Variants in FOXQ1 observed in about 807,000 individuals in gnomAD.
FOXQ1 encodes the protein forkhead box Q1.
In FOXQ1, 1 loss-of-function variant was observed where a neutral mutation model predicts 0.6. The observed-to-expected ratio is 1.73, with a 90% CI of 0.61 to 8.20. The LOEUF is 8.20. Among genes scored for constraint, FOXQ1 ranks in the 30% most tolerant of loss-of-function variants. The pLI, the probability that FOXQ1 is intolerant of heterozygous loss-of-function variation, is 0.13. For synonymous variants in FOXQ1, 377 were observed against 294.4 expected (o/e 1.28, Z -2.87); for missense variants, 734 against 595.6 (o/e 1.23, Z -2.42).
At position 1,314,708 on chromosome 6, in the gene FOXQ1, C is replaced by A. The variant is rs1326088585; in HGVS notation, c.*792C>A. The A allele has an allele frequency of 6.0e-6, 1 of 166,440 alleles. No homozygotes were observed. Among genetic ancestry groups the A allele is most frequent in the Non-Finnish European group, 1.5e-5 (1 of 68,076 alleles). 10.3% of individuals were successfully genotyped at this position (166,440 alleles called of 1,614,324 possible). On this transcript the variant is annotated 3_prime_UTR_variant, in exon 1 of 1. Transcript: ENST00000296839. ...TATTCATGTATAAATTTTATGAAAC[C>A]CAAGCATAGTGCTTATTTTTTAATA...
In FOXQ1 at chr6:1,313,493, C is replaced by T. The variant is rs921544561; in HGVS notation, c.789C>T (p.Pro263=). The change falls in exon 1 of 1, where the codon CCC becomes CCT. Residue 263 remains proline (P), a synonymous_variant. Transcript: ENST00000296839. The surrounding 1 kb of genome is among the most constrained non-coding windows in gnomAD (Gnocchi z 5.2). ...CCCGCCAGGAGGAGCGCGCCAGCCC[C>T]GCGGGCAAGTTCTCCAGCTCCTTCG... The part of the protein sequence containing the change: ...SPARQEERAS[P]AGKFSSSFAI... 3 of 1,195,540 alleles carry T rather than the reference C, an allele frequency of 2.5e-6. No homozygotes were observed. Among genetic ancestry groups the T allele is most frequent in the Non-Finnish European group, 3.2e-6 (3 of 945,870 alleles). 74.1% of individuals were successfully genotyped at this position (1,195,540 alleles called of 1,614,324 possible). A position where few individuals can be genotyped will look rare whatever the true frequency, so the allele number is the denominator to read the frequency against.
At position 1,313,493 on chromosome 6, in the gene FOXQ1, CG is replaced by C; in HGVS notation, c.790del (p.Ala264ArgfsTer139). On this transcript the variant is annotated frameshift_variant, in exon 1 of 1. Coordinates refer to ENST00000296839, the MANE Select transcript of FOXQ1 (RefSeq NM_033260.4). LOFTEE classifies it low-confidence loss of function (END_TRUNC). The surrounding 1 kb of genome is among the most constrained non-coding windows in gnomAD (Gnocchi z 5.2). The part of the protein sequence containing the change: ...PARQEERASP[A>X]GKFSSSFAID... ...CCCGCCAGGAGGAGCGCGCCAGCCC[CG>C]CGGGCAAGTTCTCCAGCTCCTTCGC... 8.4e-7 allele frequency: 1 copy of C among 1,195,640 alleles called. No homozygotes were observed. The highest frequency in any genetic ancestry group is 1.1e-6 in the Non-Finnish European group (1 of 945,860). 74.1% of individuals were successfully genotyped at this position (1,195,640 alleles called of 1,614,324 possible).
rs935937164 is a variant in FOXQ1 at position 1,313,747 on chromosome 6, T to C, written c.1043T>C (p.Leu348Pro). 163 of 1,191,626 alleles carry C rather than the reference T, an allele frequency of 1.4e-4. No individual in the cohort carries two copies. Among genetic ancestry groups the C allele is most frequent in the Non-Finnish European group, 1.6e-4 (156 of 964,910 alleles). The allele number at this position is 1,191,626 out of a possible 1,614,324, so 73.8% of individuals were successfully genotyped here. ...GAGGTGCCACCGACCGCGCCGCCCC[T>C]CCTGCTTGCACCTCTCCCGGCGGCG... ...EAEVPPTAPP[L>P]LLAPLPAAAP... Residue 348 changes from leucine (L) to proline (P), a missense_variant, in exon 1 of 1, where the codon CTC (leucine) becomes CCC (proline). By Grantham distance (98) the Leu-to-Pro change is moderately conservative. Transcript: ENST00000296839. This position sits in a 1 kb window ranked among gnomAD's most constrained non-coding sequence, Gnocchi z 5.2.
Position 1,313,469 on chromosome 6 carries a change from C to T in FOXQ1, c.765C>T (p.Ala255=). 1.8e-6 allele frequency: 2 copies of T among 1,097,434 alleles called. No individual in the cohort carries two copies. The highest frequency in any genetic ancestry group is 2.2e-6 in the Non-Finnish European group (2 of 897,888). 68.0% of individuals were successfully genotyped at this position (1,097,434 alleles called of 1,614,324 possible). The part of the protein sequence containing the change: ...APASPRMRSP[A]RQEERASPAG... ...CCTCGCCCCGCATGCGCTCGCCCGC[C>T]CGCCAGGAGGAGCGCGCCAGCCCCG... The change falls in exon 1 of 1, where the codon GCC becomes GCT. Residue 255 remains alanine, a synonymous_variant. Transcript: ENST00000296839. The surrounding 1 kb of genome is among the most constrained non-coding windows in gnomAD (Gnocchi z 5.2).
In FOXQ1 at chr6:1,312,738, C is replaced by T; in HGVS notation, c.34C>T (p.His12Tyr). ...GGAGGTGTTCGTCCCTCGCGCGGCC[C>T]ACGGGGACAAGCAGGGCAGTGACCT... is the stretch of plus-strand genomic sequence containing the variant. ...KLEVFVPRAAHGDKQGSDLEG... is the reference protein window; with the variant it reads ...KLEVFVPRAAYGDKQGSDLEG... Residue 12 changes from histidine (H) to tyrosine (Y), a missense_variant, in exon 1 of 1, where the codon CAC (histidine) becomes TAC (tyrosine). Physicochemically the swap from His to Tyr is moderately conservative, Grantham distance 83. Transcript: ENST00000296839. 1 of 1,354,806 alleles carries T rather than the reference C, an allele frequency of 7.4e-7. No individual in the cohort carries two copies. Among genetic ancestry groups the T allele is most frequent in the South Asian group, 1.9e-5 (1 of 53,956 alleles). 83.9% of individuals were successfully genotyped at this position (1,354,806 alleles called of 1,614,324 possible).
Position 1,313,976 on chromosome 6 carries a change from C to A in FOXQ1, c.*60C>A. On this transcript the variant is annotated 3_prime_UTR_variant, in exon 1 of 1. Transcript: ENST00000296839. This position sits in a 1 kb window ranked among gnomAD's most constrained non-coding sequence, Gnocchi z 5.2. Reference sequence around the variant, plus strand: ...GCCGTCGGGGAGGCGGGAACGCGGGCCCGCGCGCGGACTTTGCACTTTGAA... The same window carrying A: ...GCCGTCGGGGAGGCGGGAACGCGGGACCGCGCGCGGACTTTGCACTTTGAA... 8.2e-7 allele frequency: 1 copy of A among 1,212,766 alleles called. No individual in the cohort carries two copies. Among genetic ancestry groups the A allele is most frequent in the East Asian group, 3.3e-5 (1 of 30,150 alleles). The allele number at this position is 1,212,766 out of a possible 1,614,324, so 75.1% of individuals were successfully genotyped here. A position where few individuals can be genotyped will look rare whatever the true frequency, so the allele number is the denominator to read the frequency against.
At position 1,312,449 on chromosome 6, in the gene FOXQ1, G is replaced by C. The variant is rs1757561559; in HGVS notation, c.-256G>C. ...ACACTCACCCCAAAGTCTCAACGTC[G>C]AACCGAAGGCGACACCCACCCAACT... is the stretch of plus-strand genomic sequence containing the variant. On this transcript the variant is annotated 5_prime_UTR_variant, in exon 1 of 1. Transcript: ENST00000296839. 2.3e-6 allele frequency: 1 copy of C among 428,774 alleles called. No individual in the cohort carries two copies. The highest frequency in any genetic ancestry group is 3.8e-6 in the Non-Finnish European group (1 of 264,326). 26.6% of individuals were successfully genotyped at this position (428,774 alleles called of 1,614,324 possible). A position where few individuals can be genotyped will look rare whatever the true frequency, so the allele number is the denominator to read the frequency against.
chr6:1,313,966 G>A lies in FOXQ1; in HGVS notation c.*50G>A. Reference sequence around the variant, plus strand: ...CCGAGTGCGCGCCGTCGGGGAGGCGGGAACGCGGGCCCGCGCGCGGACTTT... The same window carrying A: ...CCGAGTGCGCGCCGTCGGGGAGGCGAGAACGCGGGCCCGCGCGCGGACTTT... On this transcript the variant is annotated 3_prime_UTR_variant, in exon 1 of 1. Transcript: ENST00000296839. This position sits in a 1 kb window ranked among gnomAD's most constrained non-coding sequence, Gnocchi z 5.2. The A allele has an allele frequency of 8.2e-7, 1 of 1,217,342 alleles. No individual in the cohort carries two copies. The highest frequency in any genetic ancestry group is 4.3e-5 in the Admixed American group (1 of 23,056). The allele number at this position is 1,217,342 out of a possible 1,614,324, so 75.4% of individuals were successfully genotyped here.
Position 1,312,974 on chromosome 6 carries a change from C to A in FOXQ1, c.270C>A (p.Gly90=), listed in dbSNP as rs1168840997. 2.3e-6 allele frequency: 3 copies of A among 1,284,640 alleles called. No individual in the cohort carries two copies. Among genetic ancestry groups the A allele is most frequent in the African/African-American group, 3.1e-5 (2 of 63,596 alleles). 79.6% of individuals were successfully genotyped at this position (1,284,640 alleles called of 1,614,324 possible). ...AAAAAAVVAE[G]AEAGAAGPGA... is the part of the protein sequence containing the mutation. ...CTGCTGCAGCGGTGGTGGCGGAGGG[C>A]GCGGAGGCCGGGGCGGCGGGGCCAG... is the stretch of plus-strand genomic sequence containing the variant. The change falls in exon 1 of 1, where the codon GGC becomes GGA. Residue 90 remains glycine, a synonymous_variant. Coordinates refer to ENST00000296839, the MANE Select transcript of FOXQ1 (RefSeq NM_033260.4).
rs1757591901 is a variant in FOXQ1, at chr6:1,313,705, T to C, written c.1001T>C (p.Leu334Pro). 3 of 1,067,440 alleles carry C rather than the reference T, an allele frequency of 2.8e-6. No homozygotes were observed. Among genetic ancestry groups the C allele is most frequent in the South Asian group, 8.7e-5 (2 of 22,894 alleles). 66.1% of individuals were successfully genotyped at this position (1,067,440 alleles called of 1,614,324 possible). A position where few individuals can be genotyped will look rare whatever the true frequency, so the allele number is the denominator to read the frequency against. ...TACGGCGCGGGCGAGCCGGCGCGGC[T>C]GGGCGCGCGCGAGGCCGAGGTGCCA... Reference protein sequence around the residue: ...CAYGAGEPARLGAREAEVPPT... With the variant: ...CAYGAGEPARPGAREAEVPPT... The change falls in exon 1 of 1, where the codon CTG becomes CCG. Residue 334 changes from leucine to proline, a missense_variant. Leu to Pro is a moderately conservative substitution (Grantham distance 98). Coordinates refer to ENST00000296839, the MANE Select transcript of FOXQ1 (RefSeq NM_033260.4). This position sits in a 1 kb window ranked among gnomAD's most constrained non-coding sequence, Gnocchi z 5.2.
Position 1,313,806 on chromosome 6 carries a change from G to A in FOXQ1, c.1102G>A (p.Gly368Ser). The A allele has an allele frequency of 7.8e-7, 1 of 1,277,548 alleles. No individual in the cohort carries two copies. Among genetic ancestry groups the A allele is most frequent in the Non-Finnish European group, 9.9e-7 (1 of 1,014,828 alleles). 79.1% of individuals were successfully genotyped at this position (1,277,548 alleles called of 1,614,324 possible). A position where few individuals can be genotyped will look rare whatever the true frequency, so the allele number is the denominator to read the frequency against. ...CAAGCCACTCCGAGGCCCGGCGGCCGGCGGCGCGCACCTGTACTGCCCCCT... is the reference window on the plus strand; with the variant it reads ...CAAGCCACTCCGAGGCCCGGCGGCCAGCGGCGCGCACCTGTACTGCCCCCT... ...PAKPLRGPAA[G>S]GAHLYCPLRL... Residue 368 changes from glycine to serine, a missense_variant, in exon 1 of 1, where the codon GGC (glycine) becomes AGC (serine). Physicochemically the swap from Gly to Ser is moderately conservative, Grantham distance 56. Coordinates refer to ENST00000296839, the MANE Select transcript of FOXQ1 (RefSeq NM_033260.4). The surrounding 1 kb of genome is among the most constrained non-coding windows in gnomAD (Gnocchi z 5.2).
In FOXQ1 at chr6:1,313,026, G is replaced by C. The variant is rs200531155; in HGVS notation, c.322G>C (p.Gly108Arg). 1.9e-4 allele frequency: 277 copies of C among 1,481,520 alleles called. 2 individuals are homozygous for C. The African/African-American group carries it at 3.7e-3, about 20-fold the overall frequency. 91.8% of individuals were successfully genotyped at this position (1,481,520 alleles called of 1,614,324 possible). Residue 108 changes from glycine to arginine, a missense_variant, in exon 1 of 1, where the codon GGT (glycine) becomes CGT (arginine). Coordinates refer to ENST00000296839, the MANE Select transcript of FOXQ1 (RefSeq NM_033260.4). The surrounding 1 kb of genome is among the most constrained non-coding windows in gnomAD (Gnocchi z 5.2). Reference sequence around the variant, plus strand: ...CGCGGGCGGCGCGGGGAGCGGCGAGGGTGCACGCAGCAAGCCATATACGCG... The same window carrying C: ...CGCGGGCGGCGCGGGGAGCGGCGAGCGTGCACGCAGCAAGCCATATACGCG... ...PGAGGAGSGE[G>R]ARSKPYTRRP...
Position 1,313,395 on chromosome 6 carries a change from G to A in FOXQ1, c.691G>A (p.Glu231Lys), listed in dbSNP as rs1409998327. 8.9e-6 allele frequency: 11 copies of A among 1,240,234 alleles called. No individual in the cohort carries two copies. In the East Asian group the frequency reaches 2.8e-4, roughly 32 times the overall value. The allele number at this position is 1,240,234 out of a possible 1,614,324, so 76.8% of individuals were successfully genotyped here. ...CCCCGCGCCCGGGCTGCGGCCCGAG[G>A]AGGCCCCGGGCCTCCCCGCCGCCCC... ...PVPAPGLRPE[E>K]APGLPAAPPP... Residue 231 changes from glutamate to lysine, a missense_variant, in exon 1 of 1, where the codon GAG becomes AAG. Physicochemically the swap from Glu to Lys is moderately conservative, Grantham distance 56. Transcript: ENST00000296839. This position sits in a 1 kb window ranked among gnomAD's most constrained non-coding sequence, Gnocchi z 5.2.
rs538388760 is a variant in FOXQ1, at chr6:1,314,247, C to G, written c.*331C>G. 5.4e-6 allele frequency: 1 copy of G among 184,238 alleles called. No individual in the cohort carries two copies. Among genetic ancestry groups the G allele is most frequent in the African/African-American group, 2.4e-5 (1 of 41,994 alleles). 11.4% of individuals were successfully genotyped at this position (184,238 alleles called of 1,614,324 possible). ...TTTCTACTGTTTTTGTCGCAACTTC[C>G]ATTGATTTATGTCCCTTCCCTCCCC... is the stretch of plus-strand genomic sequence containing the variant. On this transcript the variant is annotated 3_prime_UTR_variant, in exon 1 of 1. Coordinates refer to ENST00000296839, the MANE Select transcript of FOXQ1 (RefSeq NM_033260.4).
At position 1,312,348 on chromosome 6, in the gene FOXQ1, C is replaced by T; in HGVS notation, c.-357C>T. ...CTTTAACGAGCAGCAGATGCGCATG[C>T]TGCTTCTCTCCGGCAGGAAAGCCTT... On this transcript the variant is annotated 5_prime_UTR_variant, in exon 1 of 1. Transcript: ENST00000296839. 1 of 208,706 alleles carries T rather than the reference C, an allele frequency of 4.8e-6. No individual in the cohort carries two copies. The highest frequency in any genetic ancestry group is 9.7e-5 in the East Asian group (1 of 10,286). The allele number at this position is 208,706 out of a possible 1,614,324, so 12.9% of individuals were successfully genotyped here.
Position 1,313,149 on chromosome 6 carries a change from C to T in FOXQ1, c.445C>T (p.Leu149Phe), listed in dbSNP as rs1369904204. Reference sequence around the variant, plus strand: ...GACGCTGGCGGAGATCAACGAGTACCTCATGGGCAAGTTCCCCTTTTTCCG... The same window carrying T: ...GACGCTGGCGGAGATCAACGAGTACTTCATGGGCAAGTTCCCCTTTTTCCG... ...RLTLAEINEY[L>F]MGKFPFFRGS... is the part of the protein sequence containing the mutation. The change falls in exon 1 of 1, where the codon CTC (leucine) becomes TTC (phenylalanine). Residue 149 changes from leucine to phenylalanine, a missense_variant. Coordinates refer to ENST00000296839, the MANE Select transcript of FOXQ1 (RefSeq NM_033260.4). The surrounding 1 kb of genome is among the most constrained non-coding windows in gnomAD (Gnocchi z 5.2). The T allele has an allele frequency of 2.5e-6, 4 of 1,609,902 alleles. No homozygotes were observed. Among genetic ancestry groups the T allele is most frequent in the East Asian group, 2.2e-5 (1 of 44,598 alleles).
In FOXQ1 at chr6:1,313,808, C is replaced by T. The variant is rs1162774036; in HGVS notation, c.1104C>T (p.Gly368=). The part of the protein sequence containing the change: ...PAKPLRGPAA[G]GAHLYCPLRL... ...AGCCACTCCGAGGCCCGGCGGCCGG[C>T]GGCGCGCACCTGTACTGCCCCCTGC... The change falls in exon 1 of 1, where the codon GGC becomes GGT. Residue 368 remains glycine (G), a synonymous_variant. Transcript: ENST00000296839. This position sits in a 1 kb window ranked among gnomAD's most constrained non-coding sequence, Gnocchi z 5.2. The T allele has an allele frequency of 3.1e-6, 4 of 1,278,018 alleles. No individual in the cohort carries two copies. Among genetic ancestry groups the T allele is most frequent in the Non-Finnish European group, 3.0e-6 (3 of 1,015,202 alleles). 79.2% of individuals were successfully genotyped at this position (1,278,018 alleles called of 1,614,324 possible). A position where few individuals can be genotyped will look rare whatever the true frequency, so the allele number is the denominator to read the frequency against.
rs1349207476 is a variant in FOXQ1 at position 1,312,610 on chromosome 6, C to T, written c.-95C>T. 28 of 1,259,188 alleles carry T rather than the reference C, an allele frequency of 2.2e-5. No individual in the cohort carries two copies. Among genetic ancestry groups the T allele is most frequent in the Admixed American group, 4.2e-5 (1 of 23,798 alleles). 78.0% of individuals were successfully genotyped at this position (1,259,188 alleles called of 1,614,324 possible). A position where few individuals can be genotyped will look rare whatever the true frequency, so the allele number is the denominator to read the frequency against. On this transcript the variant is annotated 5_prime_UTR_variant, in exon 1 of 1. Transcript: ENST00000296839. ...CCCGGGAGAAAAAGGCGAAGATCCC[C>T]GGCCCCGGATCGCCATCCCCTTCCC...
At position 1,313,707 on chromosome 6, in the gene FOXQ1, G is replaced by A; in HGVS notation, c.1003G>A (p.Gly335Ser). The A allele has an allele frequency of 2.8e-6, 3 of 1,071,842 alleles. No individual in the cohort carries two copies. Among genetic ancestry groups the A allele is most frequent in the Non-Finnish European group, 3.4e-6 (3 of 887,850 alleles). The allele number at this position is 1,071,842 out of a possible 1,614,324, so 66.4% of individuals were successfully genotyped here. ...AYGAGEPARL[G>S]AREAEVPPTA... is the part of the protein sequence containing the mutation. ...CGGCGCGGGCGAGCCGGCGCGGCTG[G>A]GCGCGCGCGAGGCCGAGGTGCCACC... The change falls in exon 1 of 1, where the codon GGC becomes AGC. Residue 335 changes from glycine to serine, a missense_variant. Gly to Ser is a moderately conservative substitution (Grantham distance 56). Transcript: ENST00000296839. The surrounding 1 kb of genome is among the most constrained non-coding windows in gnomAD (Gnocchi z 5.2).
Sources: allele counts gnomAD v4.1 joint callset, GRCh38; gene constraint gnomAD v4.1.1; non-coding constraint Gnocchi (gnomAD v3.1); transcripts MANE v1.5; gene names NCBI Gene and HGNC (gene_info 2026-07-23, HGNC 2026-07-21).